VWF: variants seen among roughly 807,000 people sequenced by gnomAD.
VWF encodes the protein Factor VIII related antigen.
In VWF, 176 loss-of-function variants were observed where a neutral mutation model predicts 308.6. The observed-to-expected ratio is 0.57, with a 90% CI of 0.50 to 0.65. VWF has a LOEUF of 0.65. VWF is among the 30% of genes least tolerant of loss of function. The pLI, the probability that VWF is intolerant of heterozygous loss-of-function variation, is 0.00. For synonymous variants in VWF, 1,385 were observed against 1,443.4 expected, an observed-to-expected ratio of 0.96 and a Z score of 0.92; for missense variants, 3,146 against 3,648.2, an observed-to-expected ratio of 0.86 and a Z score of 3.55.
At chr12:6,064,506 C>T (rs1221569716) in intron 11 of VWF, 122 bp from the exon 12 acceptor site, 2 of 1,422,080 alleles carry the variant, frequency 1.4e-6, no homozygotes, top group East Asian at 4.9e-5. Flanking sequence ...TCATAACCTA[C>T]AACTCCATTC....
In VWF at chr12:6,123,189, G is replaced by A; in HGVS notation, c.8C>T (p.Pro3Leu). 1 of 1,614,216 alleles carries A rather than the reference G, an allele frequency of 6.2e-7. No individual in the cohort carries two copies. The highest frequency in any genetic ancestry group is 8.5e-7 in the Non-Finnish European group (1 of 1,180,046). ...AAGCAGCACCCCGGCAAATCTGGCA[G>A]GAATCATCTGCAAAGAAGCAAGAGA... MI[P>L]ARFAGVLLAL... is the part of the protein sequence containing the mutation. Residue 3 changes from proline (P) to leucine (L), a missense_variant, in exon 2 of 52, where the codon CCT becomes CTT. Physicochemically the swap from Pro to Leu is moderately conservative, Grantham distance 98 (BLOSUM62 -3). Transcript: ENST00000261405.
intron 46 of VWF, 138 bp downstream of exon 46, chr12:5,967,989 C>A: frequency 8.0e-7 from 1 of 1,244,436 alleles, no homozygotes. Context: ...AGGCACGTCC[C>A]ACAGGCAGTG....
At chr12:6,077,360 G>A (rs1369085986) in intron 6 of VWF, among the ~76,000 whole-genome samples, 2 of 152,142 alleles carry the variant, frequency 1.3e-5, no homozygotes, top group Non-Finnish European at 1.5e-5. Flanking sequence ...AGCACCCACC[G>A]GCATGGGCTG....
At chr12:6,001,370 C>T (rs189398852) in intron 34 of VWF, among the ~76,000 whole-genome samples, 39 of 152,144 alleles carry the variant, frequency 2.6e-4, no homozygotes, top group Non-Finnish European at 5.9e-5. Flanking sequence ...AAAGGCAAGA[C>T]CCAACTATTG....
intron 34 of VWF, among the ~76,000 whole-genome samples, chr12:6,010,578 C>A (rs551092871): frequency 6.6e-6 from 1 of 152,242 alleles, no homozygotes; most frequent in Non-Finnish European, 1.5e-5. Context: ...CTCATTGCAG[C>A]ATTGCTTGTC....
At chr12:6,025,821 C>T (rs56068059) in intron 23 of VWF, 85 bp downstream of exon 23, 3 of 1,609,676 alleles carry the variant, frequency 1.9e-6, no homozygotes, top group East Asian at 4.5e-5. Flanking sequence ...CACAACCCCC[C>T]TTCCAGCCCC....
intron 36 of VWF, 58 bp downstream of exon 36, chr12:5,994,357 A>G: frequency 6.2e-7 from 1 of 1,606,188 alleles, no homozygotes; most frequent in Non-Finnish European, 8.5e-7. Flanking sequence ...AGAGTAGAGC[A>G]AGTAAGGTTT....
At chr12:6,057,810 A>T in intron 14 of VWF, 39 bp downstream of exon 14, 1 of 1,572,714 alleles carries the variant, frequency 6.4e-7, no homozygotes. Flanking sequence ...AGACCTCGAG[A>T]TTCTGCGAGG....
intron 47 of VWF, among the ~76,000 whole-genome samples, chr12:5,965,507 G>C (rs1308668588): frequency 1.3e-5 from 2 of 152,228 alleles, no homozygotes; most frequent in Non-Finnish European, 2.9e-5. Flanking sequence ...TTCCACAGCA[G>C]AGTGACCTCT....
intron 43 of VWF, among the ~76,000 whole-genome samples, chr12:5,972,669 A>G (rs1421528803): frequency 6.6e-6 from 1 of 152,108 alleles, no homozygotes; most frequent in African/African-American, 2.4e-5. Context: ...AGACCTACTG[A>G]TATCACCGCC....
intron 5 of VWF, among the ~76,000 whole-genome samples, chr12:6,109,927 G>A (rs1454210771): frequency 1.3e-5 from 2 of 152,204 alleles, no homozygotes; most frequent in Admixed American, 1.3e-4. Context: ...TGGGATTACA[G>A]GGGTAAGCCA....
intron 5 of VWF, among the ~76,000 whole-genome samples, chr12:6,098,068 C>T (rs972500104): frequency 2.6e-5 from 4 of 151,420 alleles, no homozygotes; most frequent in Non-Finnish European, 4.4e-5. Context: ...AGATCTGAAA[C>T]GAGACATACA....
At chr12:6,084,815 G>A (rs183103844) in intron 6 of VWF, among the ~76,000 whole-genome samples, 1 of 152,244 alleles carries the variant, frequency 6.6e-6, no homozygotes, top group East Asian at 1.9e-4. Context: ...CAAAGTAGTG[G>A]GTTCAAGAAT....
At chr12:5,955,905 A>G (rs1943244466) in intron 47 of VWF, among the ~76,000 whole-genome samples, 9 of 152,244 alleles carry the variant, frequency 5.9e-5, no homozygotes, top group Admixed American at 5.9e-4. Context: ...AGACAGATCA[A>G]TAGAAATTAC....
intron 20 of VWF, among the ~76,000 whole-genome samples, 175 bp from the exon 21 acceptor site, chr12:6,031,753 T>C (rs1277275038): frequency 2.7e-5 from 4 of 146,126 alleles, no homozygotes; most frequent in African/African-American, 1.0e-4. Flanking sequence ...TATGCCCAGG[T>C]GAATGCCCTC....
rs148499318 is a variant in VWF at position 6,019,683 on chromosome 12, C to T, written c.3735G>A (p.Val1245=). 2,176 of 1,613,396 alleles carry T rather than the reference C, an allele frequency of 1.3e-3. No homozygotes were observed. Among genetic ancestry groups the T allele is most frequent in the Non-Finnish European group, 1.6e-3 (1,920 of 1,179,510 alleles). ...EACQEPGGLV[V]PPTDAPVSPT... is the part of the protein sequence containing the mutation. ...GGCTCACCGGGGCATCTGTGGGAGGCACCACCAGGCCTCCCGGCTCCTGGC... is the reference window on the plus strand; with the variant it reads ...GGCTCACCGGGGCATCTGTGGGAGGTACCACCAGGCCTCCCGGCTCCTGGC... Residue 1245 remains valine (V), a synonymous_variant, in exon 28 of 52, where the codon GTG becomes GTA. Coordinates refer to ENST00000261405, the MANE Select transcript of VWF (RefSeq NM_000552.5). This position sits in a 1 kb window ranked among gnomAD's most constrained non-coding sequence, Gnocchi z 5.8.
At chr12:6,097,933 C>T (rs1945122432) in intron 5 of VWF, among the ~76,000 whole-genome samples, 1 of 152,204 alleles carries the variant, frequency 6.6e-6, no homozygotes, top group Non-Finnish European at 1.5e-5. Flanking sequence ...CTGGGCAAAG[C>T]CCCTCTGTGA....
At position 6,016,736 on chromosome 12, in the gene VWF, G is replaced by A; in HGVS notation, c.5170+18C>T. The A allele has an allele frequency of 6.2e-7, 1 of 1,614,230 alleles. No individual in the cohort carries two copies. The highest frequency in any genetic ancestry group is 8.5e-7 in the Non-Finnish European group (1 of 1,180,040). On this transcript the variant is annotated intron_variant, in intron 29 of 51. Coordinates refer to ENST00000261405, the MANE Select transcript of VWF (RefSeq NM_000552.5). The stretch of plus-strand genomic sequence containing the variant: ...AGCCTCTTCGTCACCTGCTGCTTCA[G>A]GTGCCTCGCTCACCCACCTATATTG...
chr12:5,949,965 C>G lies in VWF; in HGVS notation c.8156-82G>C, dbSNP rs902113097. 3 of 1,282,654 alleles carry G rather than the reference C, an allele frequency of 2.3e-6. No individual in the cohort carries two copies. The African/African-American group carries it at 4.4e-5, about 19-fold the overall frequency. 79.5% of individuals were successfully genotyped at this position (1,282,654 alleles called of 1,614,324 possible). A position where few individuals can be genotyped will look rare whatever the true frequency, so the allele number is the denominator to read the frequency against. On this transcript the variant is annotated intron_variant, in intron 50 of 51. Transcript: ENST00000261405. ...CTTCAGCCCCAGTGCCCTCACTGGGCTGGAAATAGGTCCCTTTCACAGTAA... is the reference window on the plus strand; with the variant it reads ...CTTCAGCCCCAGTGCCCTCACTGGGGTGGAAATAGGTCCCTTTCACAGTAA...
Sources: gnomAD v4.1 joint callset for allele counts (sites outside exome capture counted in the v4.1 genomes callset) on GRCh38, gnomAD v4.1.1 for gene constraint, Gnocchi (gnomAD v3.1) non-coding constraint, MANE v1.5 for transcripts, NCBI Gene and HGNC (gene_info 2026-07-23, HGNC 2026-07-21) for gene names.